The following SLMAP variants were observed in gnomAD, a reference collection of about 807,000 sequenced individuals.
SLMAP encodes sarcolemmal membrane-associated protein.
In SLMAP, 44 loss-of-function variants were observed where a neutral mutation model predicts 128.8. That is an observed-to-expected ratio of 0.34 (90% CI 0.27 to 0.44). The LOEUF is 0.44. Among genes scored for constraint, SLMAP ranks in the 20% least tolerant of loss-of-function variants. The probability of loss-of-function intolerance (pLI) is 1.00; values close to 1 mark genes in which losing one functional copy is unlikely to be tolerated. For synonymous variants in SLMAP, 327 were observed against 348.8 expected, an observed-to-expected ratio of 0.94 and a Z score of 0.70; for missense variants, 787 against 985.3, an observed-to-expected ratio of 0.80 and a Z score of 2.69.
intron 2 of SLMAP, among the ~76,000 whole-genome samples, chr3:57,807,598 AT>A (rs1468030274): frequency 5.3e-5 from 8 of 152,130 alleles, no homozygotes; most frequent in African/African-American, 1.7e-4. Context: ...ATGTTTATTG[AT>A]TTGCATATGT....
intron 10 of SLMAP, among the ~76,000 whole-genome samples, chr3:57,862,350 A>G (rs763976491): frequency 1.3e-4 from 20 of 151,612 alleles, no homozygotes; most frequent in Non-Finnish European, 2.4e-4. Flanking sequence ...CAAACAAAAA[A>G]CAGTTTGGGC....
rs867630255 is a variant in SLMAP at position 57,773,554 on chromosome 3, T to C, written c.198+15705T>C. Among the ~76,000 whole-genome samples the C allele has an allele frequency of 7.9e-5, 12 of 152,288 alleles. 1 individual carries two copies. In the Middle Eastern group the frequency reaches 0.024, roughly 302 times the overall value. On this transcript the variant is annotated intron_variant, in intron 2 of 24. Transcript: ENST00000671191. ...CAAAAACCTTTAGGAAATCAAGGCA[T>C]AAACTTTGGGGGCTAAGAATCTTGG...
intron 14 of SLMAP, among the ~76,000 whole-genome samples, chr3:57,877,903 C>T (rs1275893209): frequency 1.4e-5 from 2 of 144,958 alleles, no homozygotes; most frequent in Admixed American, 7.1e-5. Flanking sequence ...GGCGTGATCT[C>T]GACTCACTGC....
chr3:57,844,089 T>C (rs2094120556), intron 4 of SLMAP, among the ~76,000 whole-genome samples: 1 of 151,378 alleles, frequency 6.6e-6, no homozygotes, highest in South Asian at 2.1e-4. Flanking sequence ...CCAACCATTT[T>C]CTAATGATTA....
chr3:57,832,672 GTGA>G (rs988771238), intron 3 of SLMAP, among the ~76,000 whole-genome samples: 29 of 152,106 alleles, frequency 1.9e-4, no homozygotes, highest in Non-Finnish European at 4.4e-5. Context: ...GGTGATGGTG[GTGA>G]TGATGATAAT....
At chr3:57,913,615 C>T (rs773896372) in intron 21 of SLMAP, among the ~76,000 whole-genome samples, 2 of 152,124 alleles carry the variant, frequency 1.3e-5, no homozygotes, top group Admixed American at 6.6e-5. Flanking sequence ...TTCTTTCACA[C>T]CAGTGATCTC....
intron 15 of SLMAP, 26 bp from the exon 16 acceptor site, chr3:57,896,484 AT>A (rs2096247142): frequency 2.5e-6 from 4 of 1,571,210 alleles, no homozygotes. Flanking sequence ...CTGTAATAAG[AT>A]TTTACTTTTA....
chr3:57,914,791 A>T (rs1452516627), intron 21 of SLMAP, among the ~76,000 whole-genome samples: 1 of 151,822 alleles, frequency 6.6e-6, no homozygotes, highest in Non-Finnish European at 1.5e-5. Context: ...CATGTTGGTT[A>T]GGCTGTTCTC....
At chr3:57,854,009 A>AC (rs1360341196) in intron 6 of SLMAP, among the ~76,000 whole-genome samples, 2 of 108,044 alleles carry the variant, frequency 1.9e-5, no homozygotes, top group African/African-American at 7.3e-5. Context: ...ATTTACATAT[A>AC]ATATATATTA....
intron 2 of SLMAP, among the ~76,000 whole-genome samples, chr3:57,771,032 C>T (rs2080735334): frequency 1.3e-5 from 2 of 152,104 alleles, no homozygotes. Context: ...AAAGGAAATG[C>T]TCATTGGAAC....
intron 2 of SLMAP, among the ~76,000 whole-genome samples, chr3:57,761,735 A>G (rs1308863169): frequency 1.3e-5 from 2 of 151,906 alleles, no homozygotes; most frequent in Admixed American, 6.6e-5. Context: ...TGCATTGTCC[A>G]TTATGGGAGG....
At chr3:57,881,141 CTGAGA>C (rs1008829536) in intron 14 of SLMAP, among the ~76,000 whole-genome samples, 2 of 151,950 alleles carry the variant, frequency 1.3e-5, no homozygotes, top group African/African-American at 4.8e-5. Context: ...TTGCAGTGAG[CTGAGA>C]TAATGCCACT....
chr3:57,839,143 G>A (rs2093788781), intron 3 of SLMAP, among the ~76,000 whole-genome samples: 1 of 151,592 alleles, frequency 6.6e-6, no homozygotes, highest in Non-Finnish European at 1.5e-5. Context: ...TGTAGAGAGT[G>A]GGTCTCACTA....
intron 17 of SLMAP, among the ~76,000 whole-genome samples, chr3:57,906,672 AAAATAT>A (rs1475325539): frequency 0.05 from 1,510 of 29,986 alleles, 12 homozygotes; most frequent in East Asian, 0.24. Context: ...ATATGAAAAA[AAAATAT>A]ATATATATAT....
At chr3:57,838,209 C>T (rs939171479) in intron 3 of SLMAP, among the ~76,000 whole-genome samples, 1 of 152,134 alleles carries the variant, frequency 6.6e-6, no homozygotes, top group Non-Finnish European at 1.5e-5. Context: ...ATTGCTGGAT[C>T]TTCATGTTGT....
chr3:57,903,623 G>C (rs1176422196), intron 17 of SLMAP, among the ~76,000 whole-genome samples: 1 of 152,184 alleles, frequency 6.6e-6, no homozygotes, highest in East Asian at 1.9e-4. Flanking sequence ...TAAGTATTCT[G>C]TCAGTTCATT....
chr3:57,844,238 C>T (rs1268126690), intron 4 of SLMAP, among the ~76,000 whole-genome samples: 1 of 151,716 alleles, frequency 6.6e-6, no homozygotes, highest in Non-Finnish European at 1.5e-5. Context: ...ACTAAAAATA[C>T]AAAAAATTAG....
chr3:57,797,983 C>T (rs1038551839), intron 2 of SLMAP, among the ~76,000 whole-genome samples: 2 of 152,136 alleles, frequency 1.3e-5, no homozygotes, highest in Non-Finnish European at 2.9e-5. Context: ...CATTGTGCCT[C>T]AGGTTGTTTT....
chr3:57,878,211 G>A (rs2095649912), intron 14 of SLMAP, among the ~76,000 whole-genome samples: 1 of 152,068 alleles, frequency 6.6e-6, no homozygotes, highest in South Asian at 2.1e-4. Flanking sequence ...ATCTTCTATA[G>A]CAAGAGTTAC....
Sources: gnomAD v4.1 joint callset for allele counts (sites outside exome capture counted in the v4.1 genomes callset) on GRCh38, gnomAD v4.1.1 for gene constraint, MANE v1.5 for transcripts, NCBI Gene and HGNC (gene_info 2026-07-23, HGNC 2026-07-21) for gene names.